The following PTPRD variants were observed in gnomAD, a reference collection of about 807,000 sequenced individuals.
The protein encoded by PTPRD is protein tyrosine phosphatase receptor type D, also known as receptor-type tyrosine-protein phosphatase delta.
PTPRD carries 34 observed loss-of-function variants against 214.5 expected under a neutral mutation model. The observed-to-expected ratio is 0.16, with a 90% CI of 0.12 to 0.21. The LOEUF is 0.21. Ranked by LOEUF, PTPRD falls within the 10% of genes least tolerant of loss-of-function variation. The probability of loss-of-function intolerance (pLI) is 1.00; values close to 1 mark genes in which losing one functional copy is unlikely to be tolerated. For missense variants in PTPRD, 2,545 were observed against 2,398.7 expected, an observed-to-expected ratio of 1.06 and a Z score of -1.27; for synonymous variants, 1,128 against 845.7, an observed-to-expected ratio of 1.33 and a Z score of -5.79.
chr9:8,341,985 G>A lies in PTPRD; in HGVS notation c.4662-7C>T, dbSNP rs2132532937. 2 of 1,582,576 alleles carry A rather than the reference G, an allele frequency of 1.3e-6. No homozygotes were observed. Among genetic ancestry groups the A allele is most frequent in the Non-Finnish European group, 1.7e-6 (2 of 1,167,080 alleles). On this transcript the variant is annotated splice_region_variant and splice_polypyrimidine_tract_variant and intron_variant, in intron 39 of 45. Transcript: ENST00000381196. ...AGTCCGGCCAACTCCCGCACTATGA[G>A]GAAAATAGAGAAGAAAAGCCCAAAT...
intron 36 of PTPRD, among the ~76,000 whole-genome samples, chr9:8,399,456 G>A (rs1344008537): frequency 1.3e-5 from 2 of 152,130 alleles, no homozygotes; most frequent in African/African-American, 4.8e-5. Flanking sequence ...TGCATTAAGT[G>A]AAATGCTCAA....
intron 2 of PTPRD, among the ~76,000 whole-genome samples, chr9:10,559,377 A>C (rs1053816744): frequency 6.6e-6 from 1 of 152,200 alleles, no homozygotes; most frequent in Non-Finnish European, 1.5e-5. Flanking sequence ...TTAAAATTTC[A>C]GTTCTTCCAT....
intron 9 of PTPRD, among the ~76,000 whole-genome samples, chr9:9,330,965 G>C (rs1453878100): frequency 6.6e-6 from 1 of 150,826 alleles, no homozygotes; most frequent in Non-Finnish European, 1.5e-5. Flanking sequence ...TCCTATACTA[G>C]GAGCTAAATA....
intron 11 of PTPRD, among the ~76,000 whole-genome samples, chr9:8,800,216 T>C (rs2096543268): frequency 6.6e-6 from 1 of 152,066 alleles, no homozygotes; most frequent in African/African-American, 2.4e-5. Flanking sequence ...AATGACTTCA[T>C]TTTTTTGGCT....
At chr9:10,121,320 G>C (rs1200775798) in intron 3 of PTPRD, among the ~76,000 whole-genome samples, 1 of 152,070 alleles carries the variant, frequency 6.6e-6, no homozygotes, top group Non-Finnish European at 1.5e-5. Context: ...TTTAGAGTTG[G>C]CTTTGGGATA....
chr9:8,805,411 G>A (rs911808901), intron 11 of PTPRD, among the ~76,000 whole-genome samples: 1 of 151,678 alleles, frequency 6.6e-6, no homozygotes, highest in Non-Finnish European at 1.5e-5. Context: ...TATCAGAAAT[G>A]AAAATATTAT....
At chr9:9,007,873 T>C (rs1481846686) in intron 11 of PTPRD, among the ~76,000 whole-genome samples, 1 of 134,268 alleles carries the variant, frequency 7.4e-6, no homozygotes, top group African/African-American at 2.5e-5. Flanking sequence ...ATATGACCCA[T>C]TTTAGAAAAG....
chr9:9,434,519 A>C (rs10114184), intron 8 of PTPRD, among the ~76,000 whole-genome samples: 2,114 of 152,288 alleles, frequency 0.014, 42 homozygotes, highest in African/African-American at 0.046. Context: ...ATAGAAAAAT[A>C]AGGTTCTGAA....
chr9:9,719,893 G>C (rs950666046), intron 7 of PTPRD, among the ~76,000 whole-genome samples: 12 of 152,180 alleles, frequency 7.9e-5, no homozygotes, highest in Non-Finnish European at 5.9e-5. Context: ...GCTGCCACCT[G>C]TGCTAGTGCG....
chr9:10,008,310 C>T (rs1428992032), intron 4 of PTPRD, among the ~76,000 whole-genome samples: 1 of 151,840 alleles, frequency 6.6e-6, no homozygotes, highest in Non-Finnish European at 1.5e-5. Flanking sequence ...GCTGAATTCC[C>T]CTCCCTTTTT....
intron 14 of PTPRD, among the ~76,000 whole-genome samples, chr9:8,627,613 T>G (rs2096084544): frequency 6.6e-6 from 1 of 151,854 alleles, no homozygotes; most frequent in South Asian, 2.1e-4. Flanking sequence ...TTAGACATGA[T>G]CTCAGTGTGG....
intron 2 of PTPRD, among the ~76,000 whole-genome samples, chr9:10,471,082 G>A (rs1045288436): frequency 7.2e-5 from 11 of 152,142 alleles, no homozygotes; most frequent in South Asian, 2.1e-4. Flanking sequence ...ACTTATAAGC[G>A]GGAGTTGAAC....
At chr9:9,661,816 A>G (rs948109750) in intron 7 of PTPRD, among the ~76,000 whole-genome samples, 10 of 151,708 alleles carry the variant, frequency 6.6e-5, no homozygotes, top group African/African-American at 2.4e-4. Flanking sequence ...GAGGGCTGGA[A>G]GAGAAAAAGA....
intron 2 of PTPRD, among the ~76,000 whole-genome samples, chr9:10,342,620 A>C (rs1565415535): frequency 6.6e-6 from 1 of 152,114 alleles, no homozygotes; most frequent in Non-Finnish European, 1.5e-5. Flanking sequence ...AAATACACTT[A>C]CTTAGAGTAT....
chr9:8,743,318 T>C lies in PTPRD; in HGVS notation c.-103-9372A>G, dbSNP rs143894700. Among the ~76,000 whole-genome samples the C allele has an allele frequency of 2.1e-3, 318 of 152,228 alleles. 2 individuals carry two copies. The highest frequency in any genetic ancestry group is 6.9e-3 in the Admixed American group (106 of 15,288). On this transcript the variant is annotated intron_variant, in intron 11 of 45. Transcript: ENST00000381196. ...AGTTCACAGGCTTAGGCAGCATAAA[T>C]ATTGTCACCAATTAAAAGAATGAAG...
At chr9:8,641,290 G>A (rs1180276617) in intron 12 of PTPRD, among the ~76,000 whole-genome samples, 2 of 148,102 alleles carry the variant, frequency 1.4e-5, no homozygotes, top group Non-Finnish European at 2.9e-5. Context: ...ACAACCATCA[G>A]TATTATAGTT....
At chr9:10,117,747 C>T (rs1305729432) in intron 3 of PTPRD, among the ~76,000 whole-genome samples, 1 of 151,502 alleles carries the variant, frequency 6.6e-6, no homozygotes, top group Non-Finnish European at 1.5e-5. Context: ...TAGGATTGGA[C>T]ATGTTTTTTG....
intron 9 of PTPRD, among the ~76,000 whole-genome samples, chr9:9,263,810 G>T (rs1269346639): frequency 6.6e-6 from 1 of 151,658 alleles, no homozygotes; most frequent in African/African-American, 2.4e-5. Context: ...GAGTAGGGAG[G>T]GTGGGAGGTG....
intron 2 of PTPRD, among the ~76,000 whole-genome samples, chr9:10,462,073 T>C (rs919537315): frequency 6.6e-6 from 1 of 152,090 alleles, no homozygotes; most frequent in Non-Finnish European, 1.5e-5. Flanking sequence ...GATTAACACA[T>C]TGAGAGATTT....
Sources: allele counts gnomAD v4.1 joint callset (sites outside exome capture counted in the v4.1 genomes callset), GRCh38; gene constraint gnomAD v4.1.1; transcripts MANE v1.5; gene names NCBI Gene and HGNC (gene_info 2026-07-23, HGNC 2026-07-21).